The following ZIM2 variants were observed in gnomAD, a reference collection of about 807,000 sequenced individuals.
ZIM2 encodes the protein zinc finger protein 656.
Under a neutral mutation model 38.6 loss-of-function variants are expected in ZIM2, and 14 were observed. The observed-to-expected ratio is 0.36, with a 90% confidence interval of 0.24 to 0.57. The LOEUF (loss-of-function observed/expected upper bound fraction) is 0.57. ZIM2 is among the 20% of genes least tolerant of loss of function. The pLI is 0.81. For synonymous variants in ZIM2, 247 were observed against 245.8 expected (o/e 1.00, Z -0.04); for missense variants, 680 against 695.1 (o/e 0.98, Z 0.24).
chr19:56,838,440 C>T (rs751367379), intron 1 of ZIM2, among the ~76,000 whole-genome samples: 2 of 152,156 alleles, frequency 1.3e-5, no homozygotes, highest in Admixed American at 6.5e-5. Context: ...CTATCAGTCC[C>T]GAGGAACGGT....
At chr19:56,796,889 C>T (rs1001838546) in intron 9 of ZIM2, among the ~76,000 whole-genome samples, 1 of 152,204 alleles carries the variant, frequency 6.6e-6, no homozygotes, top group Non-Finnish European at 1.5e-5. Flanking sequence ...AGCAAGCAGA[C>T]AAACACACCA....
intron 9 of ZIM2, among the ~76,000 whole-genome samples, chr19:56,804,797 C>G (rs1475892579): frequency 1.3e-5 from 2 of 152,206 alleles, no homozygotes; most frequent in African/African-American, 4.8e-5. Context: ...AAGTAATGCA[C>G]TCACTTAAAC....
intron 9 of ZIM2, chr19:56,817,171 T>C (rs1360413922): frequency 6.2e-7 from 1 of 1,614,206 alleles, no homozygotes; most frequent in South Asian, 1.1e-5. Context: ...GCTCATGGCT[T>C]TTCTCATCTC....
chr19:56,814,744 C>A lies in ZIM2; in HGVS notation c.490+3002G>T. ...ATTAAGGGCAGAGCTATGAATGAAGCCTTGTCCACACAAAAGGCATCGAAT... is the reference window on the plus strand; with the variant it reads ...ATTAAGGGCAGAGCTATGAATGAAGACTTGTCCACACAAAAGGCATCGAAT... On this transcript the variant is annotated intron_variant, in intron 9 of 12. Transcript: ENST00000629319. This position sits in a 1 kb window ranked among gnomAD's most constrained non-coding sequence, Gnocchi z 5.8. 1.2e-6 allele frequency: 2 copies of A among 1,614,118 alleles called. No individual in the cohort carries two copies. The highest frequency in any genetic ancestry group is 1.7e-6 in the Non-Finnish European group (2 of 1,180,034).
intron 2 of ZIM2, among the ~76,000 whole-genome samples, chr19:56,831,966 T>A (rs1361855509): frequency 6.6e-6 from 1 of 152,212 alleles, no homozygotes; most frequent in Non-Finnish European, 1.5e-5. Flanking sequence ...AACTGTTTAA[T>A]AAATGGCATG....
At chr19:56,827,325 C>T (rs530437175) in intron 2 of ZIM2, among the ~76,000 whole-genome samples, 1 of 152,210 alleles carries the variant, frequency 6.6e-6, no homozygotes, top group East Asian at 1.9e-4. Flanking sequence ...CCTTAACATG[C>T]TCAAGATTTT....
At chr19:56,804,650 T>C (rs2047673863) in intron 9 of ZIM2, among the ~76,000 whole-genome samples, 1 of 152,222 alleles carries the variant, frequency 6.6e-6, no homozygotes, top group South Asian at 2.1e-4. Context: ...CACTAACTTG[T>C]CCCACTCAGT....
chr19:56,827,047 A>G (rs552771142), intron 2 of ZIM2, among the ~76,000 whole-genome samples: 2 of 152,326 alleles, frequency 1.3e-5, no homozygotes, highest in East Asian at 1.9e-4. Flanking sequence ...GCAGAGAAAA[A>G]TATGACCACT....
At chr19:56,817,568 T>C (rs2060095553) in intron 9 of ZIM2, 178 bp downstream of exon 9, 1 of 1,590,678 alleles carries the variant, frequency 6.3e-7, no homozygotes, top group African/African-American at 1.3e-5. Context: ...GCTTCAGGCA[T>C]AGTTTTTAGA....
chr19:56,813,138 A>G, intron 9 of ZIM2: 1 of 983,108 alleles, frequency 1.0e-6, no homozygotes, highest in Non-Finnish European at 1.2e-6. Context: ...AATGCACAAT[A>G]AATCTTTCTC....
intron 9 of ZIM2, chr19:56,810,015 T>G (rs1600837035): frequency 2.7e-6 from 1 of 369,702 alleles, no homozygotes; most frequent in East Asian, 1.6e-4. Flanking sequence ...CTTTTGGATT[T>G]ATAACTCTAA....
chr19:56,818,015 C>A (rs12609908), intron 8 of ZIM2, among the ~76,000 whole-genome samples, 177 bp from the exon 9 acceptor site: 75,726 of 152,080 alleles, frequency 0.5, 19,445 homozygotes, highest in South Asian at 0.62. Flanking sequence ...CTAATCCATT[C>A]TAATCTACAT....
intron 9 of ZIM2, chr19:56,816,711 G>A (rs1193657006): frequency 3.1e-6 from 5 of 1,613,978 alleles, no homozygotes; most frequent in Admixed American, 1.7e-5. Flanking sequence ...GCTCAATCAG[G>A]GCAGAACTAT....
At chr19:56,822,909 A>C in intron 5 of ZIM2, 73 bp from the exon 6 acceptor site, 3 of 1,547,832 alleles carry the variant, frequency 1.9e-6, no homozygotes, top group Non-Finnish European at 2.6e-6. Context: ...GTGCACAAAC[A>C]CCCCTCTGGA....
intron 11 of ZIM2, among the ~76,000 whole-genome samples, chr19:56,781,321 C>T (rs993005855): frequency 5.3e-5 from 8 of 151,782 alleles, no homozygotes; most frequent in East Asian, 2.0e-4. Context: ...GCACTGGCAA[C>T]GTAAACTTTT....
chr19:56,786,766 G>A (rs893225684), intron 10 of ZIM2, among the ~76,000 whole-genome samples: 4 of 152,140 alleles, frequency 2.6e-5, no homozygotes, highest in Admixed American at 6.5e-5. Flanking sequence ...GGTGGGAAGA[G>A]CACTGGGCTG....
At chr19:56,789,234 A>ACTT (rs2046797284) in intron 10 of ZIM2, among the ~76,000 whole-genome samples, 1 of 152,210 alleles carries the variant, frequency 6.6e-6, no homozygotes. Flanking sequence ...ATTTATTTAT[A>ACTT]CTTATGCTAA....
chr19:56,825,800 A>T (rs2060967700), intron 3 of ZIM2, among the ~76,000 whole-genome samples: 1 of 152,236 alleles, frequency 6.6e-6, no homozygotes. Context: ...AAGGAAAGCA[A>T]GTTTAAATTT....
intron 9 of ZIM2, among the ~76,000 whole-genome samples, chr19:56,807,331 A>G (rs2047806646): frequency 6.6e-6 from 1 of 152,250 alleles, no homozygotes; most frequent in South Asian, 2.1e-4. Context: ...GATGAGGGAA[A>G]AAATAGAATA....
Sources: gnomAD v4.1 joint callset for allele counts (sites outside exome capture counted in the v4.1 genomes callset) on GRCh38, gnomAD v4.1.1 for gene constraint, Gnocchi (gnomAD v3.1) non-coding constraint, MANE v1.5 for transcripts, NCBI Gene and HGNC (gene_info 2026-07-23, HGNC 2026-07-21) for gene names.